Variants in DPP6 observed in about 807,000 individuals in gnomAD.
DPP6 encodes the protein dipeptidyl peptidase like 6.
A neutral mutation model predicts 122.6 loss-of-function variants in DPP6; 69 were observed. That is an observed-to-expected ratio of 0.56 (90% CI 0.46 to 0.69). The LOEUF (loss-of-function observed/expected upper bound fraction) is 0.69, where lower values mean the gene tolerates loss of function less well. Ranked by LOEUF, DPP6 falls within the 30% of genes least tolerant of loss-of-function variation. The pLI, the probability that DPP6 is intolerant of heterozygous loss-of-function variation, is 0.00. For missense variants in DPP6, 928 were observed against 1,116.9 expected (o/e 0.83, Z 2.41); for synonymous variants, 418 against 433.1 (o/e 0.97, Z 0.43).
chr7:153,979,867 A>C (rs1796495713), intron 1 of DPP6, among the ~76,000 whole-genome samples: 1 of 152,170 alleles, frequency 6.6e-6, no homozygotes, highest in Non-Finnish European at 1.5e-5. Flanking sequence ...GCATGTGTTG[A>C]ACCACCCTTA....
At chr7:153,840,507 G>A in the DPP6 span, among the ~76,000 whole-genome samples, 1 of 151,970 alleles carries the variant, frequency 6.6e-6, no homozygotes, top group Non-Finnish European at 1.5e-5. Context: ...AACTGCTCTG[G>A]ATGCTTTAAC....
chr7:153,963,784 C>G (rs1052003342), intron 1 of DPP6, among the ~76,000 whole-genome samples: 1 of 152,144 alleles, frequency 6.6e-6, no homozygotes, highest in Non-Finnish European at 1.5e-5. Flanking sequence ...ATCCCCACCC[C>G]GTGTCCCATC....
intron 5 of DPP6, among the ~76,000 whole-genome samples, chr7:154,582,403 G>A (rs1832131736): frequency 6.6e-6 from 1 of 152,214 alleles, no homozygotes; most frequent in Non-Finnish European, 1.5e-5. Context: ...CATTGGGTTT[G>A]TAGAAGAGGA....
chr7:154,028,630 T>G (rs797013867), intron 1 of DPP6, among the ~76,000 whole-genome samples: 53 of 150,300 alleles, frequency 3.5e-4, no homozygotes, highest in Admixed American at 6.6e-5. Flanking sequence ...GCCCTCTTCC[T>G]TTCTTCACAA....
chr7:154,417,507 T>C (rs1469022638), intron 1 of DPP6, among the ~76,000 whole-genome samples: 1 of 152,204 alleles, frequency 6.6e-6, no homozygotes, highest in African/African-American at 2.4e-5. Context: ...TGAGGTGGGC[T>C]AGGCCCTGAC....
intron 1 of DPP6, among the ~76,000 whole-genome samples, chr7:154,215,556 G>A (rs567101419): frequency 6.6e-6 from 1 of 152,284 alleles, no homozygotes; most frequent in Admixed American, 6.5e-5. Context: ...TCAAAGGGAA[G>A]AGATAGACTT....
At chr7:154,828,554 C>G (rs1197890265) in intron 16 of DPP6, among the ~76,000 whole-genome samples, 1 of 152,188 alleles carries the variant, frequency 6.6e-6, no homozygotes, top group Non-Finnish European at 1.5e-5. Context: ...GTTTATTCTT[C>G]TCCATTTGAG....
chr7:153,936,335 C>T (rs545260763), intron 1 of DPP6, among the ~76,000 whole-genome samples: 1 of 152,248 alleles, frequency 6.6e-6, no homozygotes, highest in East Asian at 1.9e-4. Context: ...GAAGACAGGC[C>T]AGCAGGATGG....
Position 154,291,123 on chromosome 7 carries a change from T to G in DPP6, c.244-155091T>G, listed in dbSNP as rs553561192. 2.7e-3 allele frequency among the ~76,000 whole-genome samples: 413 copies of G among 152,316 alleles called. 2 individuals are homozygous for G. The Middle Eastern group carries it at 0.027, about 10-fold the overall frequency. On this transcript the variant is annotated intron_variant, in intron 1 of 25. Transcript: ENST00000377770. The stretch of plus-strand genomic sequence containing the variant: ...AAAACAATCCCATAAGAATTCCTTC[T>G]GACCCCTGAGATGAGAGGGTCACTG...
intron 20 of DPP6, among the ~76,000 whole-genome samples, chr7:154,880,428 G>A (rs899908964): frequency 6.6e-6 from 1 of 152,254 alleles, no homozygotes; most frequent in African/African-American, 2.4e-5. Context: ...TGTGCAGGTG[G>A]GATGGGGTCT....
chr7:154,688,175 C>T (rs1839735042), intron 7 of DPP6, among the ~76,000 whole-genome samples: 1 of 152,192 alleles, frequency 6.6e-6, no homozygotes, highest in South Asian at 2.1e-4. Context: ...ATGTGTCACT[C>T]ATGCACACAC....
intron 1 of DPP6, among the ~76,000 whole-genome samples, chr7:154,105,803 G>A (rs1002225952): frequency 6.6e-6 from 1 of 152,062 alleles, no homozygotes; most frequent in African/African-American, 2.4e-5. Context: ...GGCCTCCCCA[G>A]CCATGTGGAA....
At chr7:154,256,958 C>T (rs1045774699) in intron 1 of DPP6, among the ~76,000 whole-genome samples, 2 of 151,706 alleles carry the variant, frequency 1.3e-5, no homozygotes, top group African/African-American at 4.8e-5. Context: ...GCATGAAATA[C>T]CCCCTTGGGT....
chr7:154,575,258 G>T (rs1200745939), intron 5 of DPP6, among the ~76,000 whole-genome samples: 2 of 126,192 alleles, frequency 1.6e-5, no homozygotes, highest in Non-Finnish European at 3.3e-5. Context: ...TGTGTGTGGT[G>T]TGTATGTGGT....
At chr7:154,828,786 G>A (rs1800393347) in intron 16 of DPP6, among the ~76,000 whole-genome samples, 2 of 152,160 alleles carry the variant, frequency 1.3e-5, no homozygotes, top group African/African-American at 4.8e-5. Flanking sequence ...AGGTAAACAG[G>A]TTACACTTAG....
intron 1 of DPP6, among the ~76,000 whole-genome samples, chr7:154,383,754 G>A (rs950801904): frequency 6.6e-6 from 1 of 151,956 alleles, no homozygotes; most frequent in Non-Finnish European, 1.5e-5. Flanking sequence ...GCCAGGCATG[G>A]TGGTGCGTGC....
At chr7:154,101,989 T>A (rs944804207) in intron 1 of DPP6, among the ~76,000 whole-genome samples, 42 of 151,268 alleles carry the variant, frequency 2.8e-4, no homozygotes, top group African/African-American at 1.0e-3. Context: ...TCCTACCGTC[T>A]TACTCATTTC....
chr7:153,898,470 TAGAAG>T (rs1464638572), intron 1 of DPP6, among the ~76,000 whole-genome samples: 20 of 151,968 alleles, frequency 1.3e-4, no homozygotes, highest in Admixed American at 2.6e-4. Flanking sequence ...TAATAATAAT[TAGAAG>T]AGAAGATTTG....
At chr7:154,066,280 G>C (rs1233470100) in intron 1 of DPP6, among the ~76,000 whole-genome samples, 3 of 152,060 alleles carry the variant, frequency 2.0e-5, no homozygotes, top group Non-Finnish European at 4.4e-5. Context: ...GGCTGGTGTT[G>C]AACTCCTGGC....
Sources: allele counts gnomAD v4.1 joint callset (sites outside exome capture counted in the v4.1 genomes callset), GRCh38; gene constraint gnomAD v4.1.1; transcripts MANE v1.5; gene names NCBI Gene and HGNC (gene_info 2026-07-23, HGNC 2026-07-21).